PCDH15: variants seen among roughly 807,000 people sequenced by gnomAD.
PCDH15 encodes the protein protocadherin-15.
In PCDH15, 129 loss-of-function variants were observed where a neutral mutation model predicts 178.5. That is an observed-to-expected ratio of 0.72 (90% confidence interval 0.63 to 0.84). The LOEUF (loss-of-function observed/expected upper bound fraction) is 0.84, where lower values mean the gene tolerates loss of function less well. PCDH15 is among the 40% of genes least tolerant of loss of function. PCDH15 has a pLI of 0.00. For synonymous variants in PCDH15, 800 were observed against 732.0 expected, an observed-to-expected ratio of 1.09 and a Z score of -1.50; for missense variants, 2,230 against 2,099.9, an observed-to-expected ratio of 1.06 and a Z score of -1.21.
At chr10:55,231,616 G>A (rs1841227008) in intron 1 of PCDH15, among the ~76,000 whole-genome samples, 1 of 151,970 alleles carries the variant, frequency 6.6e-6, no homozygotes, top group South Asian at 2.1e-4. Flanking sequence ...GGAAATTATT[G>A]TAAGCTTTGA....
chr10:53,961,960 A>C (rs1345121246), intron 21 of PCDH15, 68 bp from the exon 22 acceptor site: 2 of 1,248,764 alleles, frequency 1.6e-6, no homozygotes, highest in African/African-American at 1.5e-5. Flanking sequence ...GATAATATTA[A>C]ATGGATCTTT....
chr10:53,928,761 G>A (rs1293743870), intron 25 of PCDH15, among the ~76,000 whole-genome samples: 1 of 151,810 alleles, frequency 6.6e-6, no homozygotes. Context: ...TTATTAATCA[G>A]TAATTAATAC....
At chr10:55,227,608 A>C (rs906404046) in intron 1 of PCDH15, among the ~76,000 whole-genome samples, 4 of 152,134 alleles carry the variant, frequency 2.6e-5, no homozygotes, top group African/African-American at 9.7e-5. Flanking sequence ...TTTAATACAA[A>C]TGTAAGGCTT....
chr10:54,879,689 A>G (rs898519666), intron 3 of PCDH15, among the ~76,000 whole-genome samples: 3 of 151,188 alleles, frequency 2.0e-5, no homozygotes, highest in African/African-American at 4.8e-5. Flanking sequence ...TATTAAATAT[A>G]TTAATATTTT....
At chr10:54,024,228 C>T (rs1227520578) in intron 18 of PCDH15, among the ~76,000 whole-genome samples, 1 of 152,050 alleles carries the variant, frequency 6.6e-6, no homozygotes, top group Non-Finnish European at 1.5e-5. Flanking sequence ...ATCTCACTAT[C>T]AGCTACTGTA....
intron 13 of PCDH15, among the ~76,000 whole-genome samples, chr10:54,173,623 TTC>T (rs1207066573): frequency 2.0e-5 from 3 of 152,162 alleles, no homozygotes; most frequent in African/African-American, 7.2e-5. Context: ...CATCTATTAG[TTC>T]TTTTTATCCA....
intron 18 of PCDH15, among the ~76,000 whole-genome samples, chr10:54,048,173 T>C (rs182752870): frequency 6.6e-6 from 1 of 152,274 alleles, no homozygotes; most frequent in Non-Finnish European, 1.5e-5. Flanking sequence ...GTGGATCATT[T>C]TTTCATTTGT....
intron 3 of PCDH15, among the ~76,000 whole-genome samples, chr10:54,484,312 G>C (rs1036429522): frequency 1.3e-5 from 2 of 151,866 alleles, no homozygotes; most frequent in Non-Finnish European, 2.9e-5. Flanking sequence ...GCAAGGACAT[G>C]GCTTTTTTTC....
intron 5 of PCDH15, among the ~76,000 whole-genome samples, chr10:54,351,986 G>A (rs1311060137): frequency 6.6e-6 from 1 of 152,066 alleles, no homozygotes; most frequent in Non-Finnish European, 1.5e-5. Context: ...AAGGATATGT[G>A]GTAGAAAGTC....
intron 2 of PCDH15, among the ~76,000 whole-genome samples, chr10:54,950,411 T>G (rs143336471): frequency 1.7e-4 from 26 of 152,120 alleles, no homozygotes; most frequent in African/African-American, 6.0e-4. Context: ...GTTCTCATGA[T>G]AGTGAATGAG....
At chr10:54,268,102 T>C (rs1011832832) in intron 8 of PCDH15, among the ~76,000 whole-genome samples, 4 of 151,614 alleles carry the variant, frequency 2.6e-5, no homozygotes, top group African/African-American at 9.7e-5. Context: ...TGGAACAGAA[T>C]AGAGAATCCA....
At chr10:55,385,987 G>C (rs1468776333) in intron 2 of PCDH15, among the ~76,000 whole-genome samples, 2 of 151,618 alleles carry the variant, frequency 1.3e-5, no homozygotes, top group African/African-American at 4.8e-5. Flanking sequence ...GCAGTGTAAA[G>C]TGGAGGGTAA....
intron 26 of PCDH15, among the ~76,000 whole-genome samples, chr10:53,899,258 A>G (rs1589316236): frequency 6.6e-6 from 1 of 152,050 alleles, no homozygotes; most frequent in East Asian, 1.9e-4. Flanking sequence ...TTTTCTTTAA[A>G]AAAATGAACT....
intron 1 of PCDH15, among the ~76,000 whole-genome samples, chr10:55,205,498 A>T (rs2132163687): frequency 6.6e-6 from 1 of 152,156 alleles, no homozygotes; most frequent in African/African-American, 2.4e-5. Context: ...TTTCAAATAT[A>T]ATATTAGTTA....
intron 2 of PCDH15, among the ~76,000 whole-genome samples, chr10:55,517,363 T>G (rs190222308): frequency 4.2e-4 from 64 of 152,264 alleles, no homozygotes; most frequent in Admixed American, 3.3e-3. Flanking sequence ...CAAAAGGCAC[T>G]TCTAATATAT....
chr10:53,892,169 C>T (rs886768602), intron 26 of PCDH15, among the ~76,000 whole-genome samples: 20 of 151,834 alleles, frequency 1.3e-4, no homozygotes, highest in African/African-American at 3.6e-4. Context: ...GGATTACAGG[C>T]GCCTGCCACT....
intron 2 of PCDH15, among the ~76,000 whole-genome samples, chr10:55,617,762 C>T (rs2132166909): frequency 6.6e-6 from 1 of 152,100 alleles, no homozygotes; most frequent in East Asian, 1.9e-4. Context: ...ACATTACATC[C>T]TTCAGTTCAG....
At chr10:54,508,666 T>C (rs1444982945) in intron 3 of PCDH15, among the ~76,000 whole-genome samples, 1 of 152,126 alleles carries the variant, frequency 6.6e-6, no homozygotes, top group Non-Finnish European at 1.5e-5. Flanking sequence ...ATCATTTATG[T>C]ACATAACTGA....
intron 1 of PCDH15, among the ~76,000 whole-genome samples, chr10:55,209,101 A>G: frequency 6.6e-6 from 1 of 152,232 alleles, no homozygotes; most frequent in Non-Finnish European, 1.5e-5. Context: ...AGGATAAAAA[A>G]GAAAAGCGTC....
Sources: allele counts gnomAD v4.1 joint callset (sites outside exome capture counted in the v4.1 genomes callset), GRCh38; gene constraint gnomAD v4.1.1; transcripts MANE v1.5; gene names NCBI Gene and HGNC (gene_info 2026-07-23, HGNC 2026-07-21).